PSME4: variants seen among roughly 807,000 people sequenced by gnomAD.
PSME4 encodes proteasome activator complex subunit 4.
Under a neutral mutation model 253.9 loss-of-function variants are expected in PSME4, and 89 were observed. That is an observed-to-expected ratio of 0.35 (90% CI 0.30 to 0.42). The LOEUF (loss-of-function observed/expected upper bound fraction) is 0.42. Ranked by LOEUF, PSME4 falls within the 10% of genes least tolerant of loss-of-function variation. PSME4 has a pLI of 1.00. For synonymous variants in PSME4, 851 were observed against 759.2 expected (o/e 1.12, Z -1.99); for missense variants, 2,014 against 2,195.2 (o/e 0.92, Z 1.65).
intron 43 of PSME4, among the ~76,000 whole-genome samples, chr2:53,872,194 C>A (rs945713297): frequency 2.6e-5 from 4 of 152,148 alleles, no homozygotes; most frequent in African/African-American, 7.2e-5. Flanking sequence ...CTCCAGGGTA[C>A]ATGTCTATAA....
At chr2:53,896,754 T>G (rs779108457) in intron 32 of PSME4, 50 bp downstream of exon 32, 3 of 1,431,566 alleles carry the variant, frequency 2.1e-6, no homozygotes, top group South Asian at 2.4e-5. Context: ...TCAAGAAAAT[T>G]TTCTGAGTTT....
chr2:53,878,911 G>T (rs533923030), intron 41 of PSME4, among the ~76,000 whole-genome samples: 37 of 152,222 alleles, frequency 2.4e-4, no homozygotes, highest in Non-Finnish European at 4.6e-4. Context: ...TGGGAAGTAC[G>T]CGATCTCTGT....
In PSME4 at chr2:53,925,481, T is replaced by A. The variant is rs1318828261; in HGVS notation, c.1809+58A>T. 3.5e-6 allele frequency: 5 copies of A among 1,409,800 alleles called. No individual in the cohort carries two copies. In the East Asian group the frequency reaches 9.3e-5, roughly 26 times the overall value. 87.3% of individuals were successfully genotyped at this position (1,409,800 alleles called of 1,614,324 possible). On this transcript the variant is annotated intron_variant, in intron 14 of 46. Transcript: ENST00000404125. ...ACACAAAGTAACTTGAAGTCAATTT[T>A]AAAACATCAAATGAAACTTAAAAGC...
intron 31 of PSME4, 36 bp from the exon 32 acceptor site, chr2:53,896,921 A>C: frequency 6.8e-7 from 1 of 1,478,266 alleles, no homozygotes; most frequent in South Asian, 1.1e-5. Context: ...CATAAAAAAA[A>C]GTTTAAATCA....
chr2:53,948,690 T>C (rs1352716278), intron 2 of PSME4, among the ~76,000 whole-genome samples, 153 bp from the exon 3 acceptor site: 1 of 152,164 alleles, frequency 6.6e-6, no homozygotes, highest in Non-Finnish European at 1.5e-5. Flanking sequence ...GAACATAGTA[T>C]TAAGAAGAAT....
Position 53,899,969 on chromosome 2 carries a change from T to G in PSME4, c.3334A>C (p.Asn1112His). ...EIAELLQQSK[N>H]PSINQILLSP... is the part of the protein sequence containing the mutation. ...AGCAATATCTGGTTGATAGAGGGGT[T>G]TTTTGACTGTTGAAGTAATTCCGCT... The change falls in exon 29 of 47, where the codon AAC (asparagine) becomes CAC (histidine). Residue 1112 changes from asparagine (N) to histidine (H), a missense_variant. By Grantham distance (68) the Asn-to-His change is moderately conservative (BLOSUM62 1). This residue lies in a region of PSME4 where 989 missense variants were observed against 1,021.1 expected (regional missense o/e 0.97). Coordinates refer to ENST00000404125, the MANE Select transcript of PSME4 (RefSeq NM_014614.3). 6.2e-7 allele frequency: 1 copy of G among 1,613,740 alleles called. No homozygotes were observed. Among genetic ancestry groups the G allele is most frequent in the South Asian group, 1.1e-5 (1 of 91,064 alleles).
intron 2 of PSME4, 45 bp downstream of exon 2, chr2:53,949,098 A>G (rs1224823226): frequency 6.6e-7 from 1 of 1,510,364 alleles, no homozygotes; most frequent in Admixed American, 2.1e-5. Context: ...TAAAACCCTG[A>G]AGAAACAAAC....
chr2:53,884,032 C>T (rs1374115997), intron 41 of PSME4, among the ~76,000 whole-genome samples: 3 of 152,154 alleles, frequency 2.0e-5, no homozygotes, highest in East Asian at 3.9e-4. Context: ...TTCTTTTAAA[C>T]GCCTCTCTTT....
intron 40 of PSME4, 141 bp from the exon 41 acceptor site, chr2:53,885,916 A>G (rs577915113): frequency 3.8e-6 from 2 of 524,318 alleles, no homozygotes; most frequent in Admixed American, 3.4e-5. Context: ...ATGTTACTTC[A>G]TAAATTAGAC....
intron 1 of PSME4, among the ~76,000 whole-genome samples, chr2:53,966,629 G>C (rs1040129913): frequency 4.6e-5 from 7 of 152,094 alleles, no homozygotes; most frequent in Non-Finnish European, 1.0e-4. Context: ...GATAACCTGA[G>C]GTGTTCTAAC....
At position 53,921,095 on chromosome 2, in the gene PSME4, C is replaced by G; in HGVS notation, c.2056G>C (p.Val686Leu). The G allele has an allele frequency of 6.2e-7, 1 of 1,613,400 alleles. No homozygotes were observed. The highest frequency in any genetic ancestry group is 8.5e-7 in the Non-Finnish European group (1 of 1,179,918). The change falls in exon 18 of 47, where the codon GTG (valine) becomes CTG (leucine). Residue 686 changes from valine to leucine, a missense_variant. Physicochemically the swap from Val to Leu is conservative, Grantham distance 32 (BLOSUM62 1). Coordinates refer to ENST00000404125, the MANE Select transcript of PSME4 (RefSeq NM_014614.3). ...TAAAGAAGCAACTTCCTTCCATCCA[C>G]TCGAGTAATCTAAAAGGAGGGAAAA... ...NLQLLSEITR[V>L]DGRKLLLYRE...
At chr2:53,898,635 A>G (rs1216358083) in intron 29 of PSME4, among the ~76,000 whole-genome samples, 4 of 71,636 alleles carry the variant, frequency 5.6e-5, no homozygotes, top group Non-Finnish European at 1.1e-4. Flanking sequence ...TGGGAGTGGC[A>G]CACACACACA....
At chr2:53,895,371 T>C (rs1680093789) in intron 33 of PSME4, among the ~76,000 whole-genome samples, 1 of 152,192 alleles carries the variant, frequency 6.6e-6, no homozygotes, top group Admixed American at 6.5e-5. Context: ...CTTAGCCATA[T>C]AACCATGGGA....
chr2:53,920,759 T>A (rs921597280), intron 18 of PSME4, 130 bp downstream of exon 18: 4 of 798,410 alleles, frequency 5.0e-6, no homozygotes, highest in Non-Finnish European at 6.0e-6. Context: ...GTTTCACATA[T>A]TCCAATAATA....
chr2:53,920,136 C>CA, intron 19 of PSME4, 57 bp downstream of exon 19: 3 of 1,449,184 alleles, frequency 2.1e-6, no homozygotes, highest in South Asian at 1.5e-5. Context: ...CAGATAAAGC[C>CA]AAAAAAGACT....
At chr2:53,947,728 T>C (rs1669790138) in intron 3 of PSME4, among the ~76,000 whole-genome samples, 1 of 95,652 alleles carries the variant, frequency 1.0e-5, no homozygotes, top group African/African-American at 4.3e-5. Context: ...ACAAAAACAC[T>C]GAAGAGGCCA....
At chr2:53,890,910 C>G (rs1482785884) in intron 36 of PSME4, among the ~76,000 whole-genome samples, 1 of 152,062 alleles carries the variant, frequency 6.6e-6, no homozygotes, top group Non-Finnish European at 1.5e-5. Context: ...GCCTGTAATC[C>G]CAACTACTCG....
intron 33 of PSME4, 34 bp from the exon 34 acceptor site, chr2:53,895,110 T>C: frequency 6.5e-7 from 1 of 1,549,308 alleles, no homozygotes; most frequent in Non-Finnish European, 8.7e-7. Context: ...ATCATACGCA[T>C]AGAAAAAAAT....
In PSME4 at chr2:53,948,548, A is replaced by C; in HGVS notation, c.384-11T>G. ...AGAAGTTCCTTTTTCCTAAAAAGTAAAATAAAATAAATACCTATGTATGCA... is the reference window on the plus strand; with the variant it reads ...AGAAGTTCCTTTTTCCTAAAAAGTACAATAAAATAAATACCTATGTATGCA... On this transcript the variant is annotated splice_polypyrimidine_tract_variant and intron_variant, in intron 2 of 46. Transcript: ENST00000404125. The C allele has an allele frequency of 6.9e-7, 1 of 1,450,742 alleles. No individual in the cohort carries two copies. The highest frequency in any genetic ancestry group is 1.1e-5 in the South Asian group (1 of 87,810). The allele number at this position is 1,450,742 out of a possible 1,614,324, so 89.9% of individuals were successfully genotyped here.
Sources: allele counts gnomAD v4.1 joint callset (sites outside exome capture counted in the v4.1 genomes callset), GRCh38; gene constraint gnomAD v4.1.1; regional missense constraint gnomAD v4.1.1; transcripts MANE v1.5; gene names NCBI Gene and HGNC (gene_info 2026-07-23, HGNC 2026-07-21).